The following ADAMTS9 variants were observed in gnomAD, a reference collection of about 807,000 sequenced individuals.
ADAMTS9 encodes the protein ADAM metallopeptidase with thrombospondin type 1 motif 9, also known as A disintegrin and metalloproteinase with thrombospondin motifs 9.
ADAMTS9 carries 107 observed loss-of-function variants against 257.1 expected under a neutral mutation model. That is an observed-to-expected ratio of 0.42 (90% CI 0.36 to 0.49). The LOEUF is 0.49. Ranked by LOEUF, ADAMTS9 falls within the 20% of genes least tolerant of loss-of-function variation. The pLI is 0.03. For synonymous variants in ADAMTS9, 982 were observed against 880.9 expected, an observed-to-expected ratio of 1.11 and a Z score of -2.03; for missense variants, 2,353 against 2,469.1, an observed-to-expected ratio of 0.95 and a Z score of 1.00.
chr3:64,573,786 C>T (rs1198987390), intron 28 of ADAMTS9, among the ~76,000 whole-genome samples: 5 of 152,204 alleles, frequency 3.3e-5, no homozygotes, highest in Non-Finnish European at 7.3e-5. Flanking sequence ...GTGAATACTG[C>T]ATGAGCGTCA....
chr3:64,618,857 G>A (rs1350364913), intron 19 of ADAMTS9, among the ~76,000 whole-genome samples: 1 of 152,034 alleles, frequency 6.6e-6, no homozygotes, highest in Non-Finnish European at 1.5e-5. Flanking sequence ...GGCTTCGGGG[G>A]TACCTTTTAA....
chr3:64,616,972 C>T (rs1699956808), intron 19 of ADAMTS9, among the ~76,000 whole-genome samples: 1 of 152,140 alleles, frequency 6.6e-6, no homozygotes. Flanking sequence ...GTTCTGGCCT[C>T]ATGCTTATCT....
At chr3:64,599,321 C>T (rs1223899175) in intron 26 of ADAMTS9, among the ~76,000 whole-genome samples, 1 of 152,182 alleles carries the variant, frequency 6.6e-6, no homozygotes, top group Non-Finnish European at 1.5e-5. Context: ...AGTCCCTGTC[C>T]TCTTTAAATG....
intron 32 of ADAMTS9, 49 bp downstream of exon 32, chr3:64,546,709 G>C (rs1269951158): frequency 1.3e-6 from 2 of 1,522,716 alleles, no homozygotes; most frequent in South Asian, 1.3e-5. Context: ...TTTAAGACGG[G>C]GTTGAGATCC....
At chr3:64,559,631 T>C (rs1377985175) in intron 30 of ADAMTS9, among the ~76,000 whole-genome samples, 1 of 152,208 alleles carries the variant, frequency 6.6e-6, no homozygotes, top group Admixed American at 6.5e-5. Context: ...CAGGAATATT[T>C]GAGTAAGGTT....
intron 31 of ADAMTS9, chr3:64,550,639 G>T: frequency 2.1e-6 from 1 of 470,390 alleles, no homozygotes. Flanking sequence ...TATGCCAATA[G>T]GACATCAAGG....
Position 64,617,297 on chromosome 3 carries a change from A to G in ADAMTS9, c.2814-1127T>C, listed in dbSNP as rs73122250. Reference sequence around the variant, plus strand: ...GTCACCATTTCCTTGTGGAAAGGTTATTTTCCATCCTGGATGAAGAAGGAA... The same window carrying G: ...GTCACCATTTCCTTGTGGAAAGGTTGTTTTCCATCCTGGATGAAGAAGGAA... On this transcript the variant is annotated intron_variant, in intron 19 of 39. Transcript: ENST00000498707. Among the ~76,000 whole-genome samples the G allele has an allele frequency of 3.1e-3, 477 of 152,218 alleles. 2 individuals carry two copies. The highest frequency in any genetic ancestry group is 0.019 in the South Asian group (90 of 4,820).
chr3:64,567,893 T>C (rs910829808), intron 29 of ADAMTS9, among the ~76,000 whole-genome samples: 2 of 152,146 alleles, frequency 1.3e-5, no homozygotes, highest in Admixed American at 6.5e-5. Flanking sequence ...GAGAACTCTC[T>C]CTTCTGTCCT....
chr3:64,542,084 C>A (rs1388659577), intron 32 of ADAMTS9, 114 bp from the exon 33 acceptor site: 2 of 1,388,068 alleles, frequency 1.4e-6, no homozygotes, highest in African/African-American at 1.4e-5. Flanking sequence ...CACTTCAGAC[C>A]CTGTGTCGCT....
intron 36 of ADAMTS9, among the ~76,000 whole-genome samples, chr3:64,539,501 C>T (rs11130969): frequency 0.64 from 97,225 of 151,818 alleles, 35,609 homozygotes; most frequent in Non-Finnish European, 0.85. Context: ...CTGCGAGCTT[C>T]ATTCCCCGAG....
intron 14 of ADAMTS9, 119 bp downstream of exon 14, chr3:64,633,353 A>AT: frequency 1.4e-6 from 2 of 1,448,650 alleles, no homozygotes; most frequent in South Asian, 2.7e-5. Context: ...CCACACTTTG[A>AT]GAACCACTGC....
At chr3:64,616,840 T>C (rs369929812) in intron 19 of ADAMTS9, among the ~76,000 whole-genome samples, 1 of 152,358 alleles carries the variant, frequency 6.6e-6, no homozygotes, top group South Asian at 2.1e-4. Context: ...GTACTCTTCA[T>C]TGGATTTCAC....
chr3:64,541,034 G>A, intron 36 of ADAMTS9, 61 bp downstream of exon 36: 1 of 1,600,152 alleles, frequency 6.2e-7, no homozygotes, highest in Non-Finnish European at 8.5e-7. Context: ...TGCAAGACAT[G>A]CTTGCTGTCT....
rs1036918 is a variant in ADAMTS9 at position 64,541,702 on chromosome 3, G to A, written c.5198-82C>T. ...GCCTATAGAATGAATGACATTGTTC[G>A]CACTAAAACTTTTTAGCAAAGCGAA... On this transcript the variant is annotated intron_variant, in intron 33 of 39. Coordinates refer to ENST00000498707, the MANE Select transcript of ADAMTS9 (RefSeq NM_182920.2). 0.93 allele frequency: 1,447,058 copies of A among 1,551,990 alleles called. 682,840 individuals are homozygous for A. The highest frequency in any genetic ancestry group is 0.97 in the South Asian group (85,993 of 88,348).
chr3:64,578,651 C>T (rs1006875991), intron 28 of ADAMTS9, among the ~76,000 whole-genome samples: 21 of 152,210 alleles, frequency 1.4e-4, no homozygotes, highest in Non-Finnish European at 2.8e-4. Context: ...ACATCTCAAA[C>T]TTAACATGTT....
chr3:64,664,484 A>T (rs968154756), intron 3 of ADAMTS9, among the ~76,000 whole-genome samples: 1 of 152,104 alleles, frequency 6.6e-6, no homozygotes, highest in Non-Finnish European at 1.5e-5. Flanking sequence ...TGTTCTATTT[A>T]TGAATTTGCC....
chr3:64,549,875 T>C (rs946918463), intron 31 of ADAMTS9, among the ~76,000 whole-genome samples: 6 of 152,206 alleles, frequency 3.9e-5, no homozygotes, highest in Admixed American at 2.0e-4. Flanking sequence ...GGATCAGCTT[T>C]AGTGCAGGAA....
chr3:64,604,128 G>T (rs749070321), intron 24 of ADAMTS9, 39 bp from the exon 25 acceptor site: 17 of 1,610,900 alleles, frequency 1.1e-5, no homozygotes, highest in Non-Finnish European at 1.4e-5. Context: ...ATATTACGTG[G>T]AATGGCTGCT....
chr3:64,539,462 C>T (rs144202116), intron 36 of ADAMTS9, among the ~76,000 whole-genome samples, 168 bp from the exon 37 acceptor site: 203 of 152,316 alleles, frequency 1.3e-3, no homozygotes, highest in Admixed American at 3.0e-3. Context: ...CAGATGCTCA[C>T]TTGCTTTTTC....
Sources: allele counts gnomAD v4.1 joint callset (sites outside exome capture counted in the v4.1 genomes callset), GRCh38; gene constraint gnomAD v4.1.1; transcripts MANE v1.5; gene names NCBI Gene and HGNC (gene_info 2026-07-23, HGNC 2026-07-21).